ELOVL5: variants seen among roughly 807,000 people sequenced by gnomAD.
ELOVL5 encodes ELOVL fatty acid elongase 5.
ELOVL5 carries 8 observed loss-of-function variants against 38.6 expected under a neutral mutation model. The ratio of observed to expected loss-of-function variants is 0.21; its 90% confidence interval spans 0.12 to 0.37. The LOEUF is 0.37. ELOVL5 is among the 10% of genes least tolerant of loss of function. ELOVL5 has a pLI of 1.00. For synonymous variants in ELOVL5, 127 were observed against 133.7 expected (o/e 0.95, Z 0.34); for missense variants, 280 against 367.8 (o/e 0.76, Z 1.95).
At chr6:53,284,331 A>G (rs1040551275) in intron 3 of ELOVL5, among the ~76,000 whole-genome samples, 1 of 151,314 alleles carries the variant, frequency 6.6e-6, no homozygotes, top group African/African-American at 2.4e-5. Flanking sequence ...AAAGGTAGAA[A>G]TAACTCCTGA....
chr6:53,292,084 A>G, intron 2 of ELOVL5, 121 bp from the exon 3 acceptor site: 2 of 577,846 alleles, frequency 3.5e-6, no homozygotes, highest in Non-Finnish European at 5.9e-6. Flanking sequence ...TAATTCCAAT[A>G]AAGCAATCAG....
In ELOVL5 at chr6:53,275,184, C is replaced by T. The variant is rs1173763244; in HGVS notation, c.402G>A (p.Lys134=). Residue 134 remains lysine (K), a synonymous_variant, in exon 5 of 8, where the codon AAG becomes AAA. Transcript: ENST00000304434. ...GCAGGACCGTGATCTGGTGGTTGTT[C>T]TTGCGCAGGATGAAGAAGAAAGTGT... ...FMDTFFFILR[K]NNHQITVLHV... is the part of the protein sequence containing the mutation. 2 of 1,614,116 alleles carry T rather than the reference C, an allele frequency of 1.2e-6. No individual in the cohort carries two copies. The highest frequency in any genetic ancestry group is 4.5e-5 in the East Asian group (2 of 44,878).
intron 1 of ELOVL5, among the ~76,000 whole-genome samples, chr6:53,321,791 C>T (rs1031458013): frequency 1.3e-5 from 2 of 152,106 alleles, no homozygotes; most frequent in African/African-American, 2.4e-5. Flanking sequence ...TAAATATATA[C>T]ACTGAAAATT....
chr6:53,300,794 T>C (rs1308167965), intron 1 of ELOVL5, among the ~76,000 whole-genome samples: 2 of 152,198 alleles, frequency 1.3e-5, no homozygotes, highest in African/African-American at 4.8e-5. Context: ...GAGAGCTTTC[T>C]TGAGACCTTT....
rs201722454 is a variant in ELOVL5, at chr6:53,328,316, T to TA, written c.-9+20500dup. Among the ~76,000 whole-genome samples the TA allele has an allele frequency of 6.0e-3, 917 of 152,068 alleles. 3 individuals carry two copies. The highest frequency in any genetic ancestry group is 0.02 in the Middle Eastern group (6 of 294). ...TTAGATAGTGCAAAATATATCCCAT[T>TA]AAAAAAAATCTGAGCATCTGGAAAT... On this transcript the variant is annotated intron_variant, in intron 1 of 7. Coordinates refer to ENST00000304434, the MANE Select transcript of ELOVL5 (RefSeq NM_021814.5).
intron 1 of ELOVL5, among the ~76,000 whole-genome samples, chr6:53,303,649 G>C (rs1392851784): frequency 3.3e-5 from 5 of 152,192 alleles, no homozygotes; most frequent in Non-Finnish European, 5.9e-5. Flanking sequence ...GAAGAAGGCA[G>C]AACAACCTCA....
At chr6:53,297,908 T>C (rs966292066) in intron 1 of ELOVL5, among the ~76,000 whole-genome samples, 1 of 152,158 alleles carries the variant, frequency 6.6e-6, no homozygotes, top group African/African-American at 2.4e-5. Context: ...CTGAAGAGAA[T>C]AGGTTTAGCC....
At chr6:53,305,662 C>G (rs1767500475) in intron 1 of ELOVL5, among the ~76,000 whole-genome samples, 6 of 150,362 alleles carry the variant, frequency 4.0e-5, no homozygotes, top group Admixed American at 4.0e-4. Context: ...CGGGAAGAGG[C>G]GCTCCTCACT....
At chr6:53,310,340 T>C (rs1018059504) in intron 1 of ELOVL5, among the ~76,000 whole-genome samples, 1 of 152,174 alleles carries the variant, frequency 6.6e-6, no homozygotes, top group African/African-American at 2.4e-5. Context: ...ATATCCCTAT[T>C]TTCTAGACGA....
intron 3 of ELOVL5, among the ~76,000 whole-genome samples, chr6:53,289,696 G>A (rs1766701640): frequency 6.6e-6 from 1 of 152,222 alleles, no homozygotes; most frequent in Middle Eastern, 3.2e-3. Flanking sequence ...CTCCAGCCTG[G>A]GCGACAAGAG....
intron 1 of ELOVL5, among the ~76,000 whole-genome samples, chr6:53,328,989 A>C (rs1023373393): frequency 2.0e-5 from 3 of 152,240 alleles, no homozygotes; most frequent in Non-Finnish European, 4.4e-5. Context: ...ATTTGATAAA[A>C]AGACCAAAAC....
intron 1 of ELOVL5, among the ~76,000 whole-genome samples, chr6:53,296,155 C>T (rs1300312126): frequency 1.3e-5 from 2 of 151,798 alleles, no homozygotes; most frequent in African/African-American, 4.8e-5. Context: ...TTACTTTTAT[C>T]AATTATTATT....
chr6:53,319,705 T>C (rs1319399330), intron 1 of ELOVL5, among the ~76,000 whole-genome samples: 1 of 152,244 alleles, frequency 6.6e-6, no homozygotes. Context: ...ACATGCCTGT[T>C]CATTTGGTTC....
At chr6:53,318,892 A>T (rs1768161878) in intron 1 of ELOVL5, among the ~76,000 whole-genome samples, 1 of 152,264 alleles carries the variant, frequency 6.6e-6, no homozygotes, top group African/African-American at 2.4e-5. Flanking sequence ...TGTAGGCAAC[A>T]TAAAAATAAC....
intron 3 of ELOVL5, chr6:53,276,999 A>G (rs1377995108): frequency 6.8e-6 from 1 of 147,188 alleles, no homozygotes; most frequent in East Asian, 2.1e-4. Flanking sequence ...CAGGCTCTAC[A>G]TCACAGCCCA....
intron 1 of ELOVL5, among the ~76,000 whole-genome samples, chr6:53,326,888 C>T (rs1768572083): frequency 6.6e-6 from 1 of 152,180 alleles, no homozygotes; most frequent in Non-Finnish European, 1.5e-5. Flanking sequence ...ACAACAGGCG[C>T]TTGGCACCAT....
chr6:53,329,322 GGTTA>G lies in ELOVL5; in HGVS notation c.-9+19491_-9+19494del, dbSNP rs1340990638. On this transcript the variant is annotated intron_variant, in intron 1 of 7. Transcript: ENST00000304434. ...ATATATACTTTATTATCATACAGTAGGTTAGTTATTTTTAAATGTTTTCATAATT... is the reference window on the plus strand; with the variant it reads ...ATATATACTTTATTATCATACAGTAGGTTATTTTTAAATGTTTTCATAATT... Among the ~76,000 whole-genome samples the G allele has an allele frequency of 8.5e-5, 13 of 152,062 alleles. No individual in the cohort carries two copies. In the East Asian group the frequency reaches 9.6e-4, roughly 11 times the overall value.
Position 53,332,115 on chromosome 6 carries a change from G to A in ELOVL5, c.-9+16702C>T, listed in dbSNP as rs568786620. ...TCGTCTCCATGACCCAAACACCTCC[G>A]AGTAGGCCCCACCTCAAACACTGGG... On this transcript the variant is annotated intron_variant, in intron 1 of 7. Coordinates refer to ENST00000304434, the MANE Select transcript of ELOVL5 (RefSeq NM_021814.5). Among the ~76,000 whole-genome samples, 103 of 152,262 alleles carry A rather than the reference G, an allele frequency of 6.8e-4. 2 individuals are homozygous for A. In the South Asian group the frequency reaches 0.021, roughly 30 times the overall value.
chr6:53,336,643 T>C (rs563257150), intron 1 of ELOVL5, among the ~76,000 whole-genome samples: 7 of 152,268 alleles, frequency 4.6e-5, no homozygotes, highest in East Asian at 1.9e-4. Flanking sequence ...TCCTGGGCAA[T>C]TGGAGTAAGA....
Sources: gnomAD v4.1 joint callset for allele counts (sites outside exome capture counted in the v4.1 genomes callset) on GRCh38, gnomAD v4.1.1 for gene constraint, MANE v1.5 for transcripts, NCBI Gene and HGNC (gene_info 2026-07-23, HGNC 2026-07-21) for gene names.